ROR1: variants seen among roughly 807,000 people sequenced by gnomAD.
ROR1 encodes inactive tyrosine-protein kinase transmembrane receptor ROR1.
A neutral mutation model predicts 78.8 loss-of-function variants in ROR1; 19 were observed. The ratio of observed to expected loss-of-function variants is 0.24; its 90% confidence interval spans 0.17 to 0.35. ROR1 has a LOEUF of 0.35. Among genes scored for constraint, ROR1 ranks in the 10% least tolerant of loss-of-function variants. The pLI is 1.00. For missense variants in ROR1, 917 were observed against 1,177.8 expected (o/e 0.78, Z 3.24); for synonymous variants, 386 against 433.6 (o/e 0.89, Z 1.36).
At chr1:63,839,495 A>C (rs1645037210) in intron 1 of ROR1, among the ~76,000 whole-genome samples, 1 of 152,202 alleles carries the variant, frequency 6.6e-6, no homozygotes, top group Admixed American at 6.6e-5. Flanking sequence ...AATGGATAGC[A>C]CATTGAACTT....
At chr1:64,027,350 C>T (rs967541685) in intron 2 of ROR1, among the ~76,000 whole-genome samples, 1 of 152,210 alleles carries the variant, frequency 6.6e-6, no homozygotes, top group Non-Finnish European at 1.5e-5. Flanking sequence ...TCATTTTGCA[C>T]TTTTTTTCTG....
intron 1 of ROR1, among the ~76,000 whole-genome samples, chr1:63,874,162 A>G (rs1176799083): frequency 1.3e-5 from 2 of 152,188 alleles, no homozygotes; most frequent in Non-Finnish European, 2.9e-5. Context: ...CTTGAGATAA[A>G]GGAAATGGAG....
chr1:63,890,490 A>G (rs1220374859), intron 1 of ROR1, among the ~76,000 whole-genome samples: 4 of 151,336 alleles, frequency 2.6e-5, no homozygotes, highest in Middle Eastern at 6.3e-3. Context: ...CAGGGAGCTC[A>G]TAGTCCAATG....
intron 1 of ROR1, among the ~76,000 whole-genome samples, chr1:63,827,497 C>T (rs568805439): frequency 2.0e-5 from 3 of 152,220 alleles, no homozygotes; most frequent in Admixed American, 6.5e-5. Context: ...GGAGGGGACT[C>T]AGGGGAGATG....
At chr1:64,033,943 A>C (rs2100572768) in intron 2 of ROR1, among the ~76,000 whole-genome samples, 1 of 152,256 alleles carries the variant, frequency 6.6e-6, no homozygotes, top group South Asian at 2.1e-4. Flanking sequence ...ACCCAGGTCC[A>C]CCCATCTCTT....
At chr1:64,063,703 G>C (rs1192407870) in intron 4 of ROR1, among the ~76,000 whole-genome samples, 2 of 151,772 alleles carry the variant, frequency 1.3e-5, no homozygotes, top group Non-Finnish European at 2.9e-5. Context: ...AGCAACAACA[G>C]CTGGGTTCTC....
chr1:64,108,115 G>T (rs1209936518), intron 4 of ROR1, among the ~76,000 whole-genome samples: 2 of 149,644 alleles, frequency 1.3e-5, no homozygotes. Flanking sequence ...TCACTGTTTA[G>T]GCTGGGCATG....
chr1:63,962,578 G>A (rs190127162), intron 1 of ROR1, among the ~76,000 whole-genome samples: 31 of 152,312 alleles, frequency 2.0e-4, no homozygotes, highest in African/African-American at 7.2e-4. Context: ...CCTGGAGTTG[G>A]TGATGATTTA....
intron 8 of ROR1, among the ~76,000 whole-genome samples, chr1:64,161,417 A>G (rs1209163393): frequency 6.6e-6 from 1 of 152,214 alleles, no homozygotes; most frequent in Non-Finnish European, 1.5e-5. Context: ...GTGTGATCCC[A>G]TTTGGTCAGT....
chr1:64,010,223 A>C (rs989848391), intron 2 of ROR1, among the ~76,000 whole-genome samples: 5 of 147,538 alleles, frequency 3.4e-5, no homozygotes, highest in Non-Finnish European at 7.5e-5. Flanking sequence ...TCCAGCTGGA[A>C]GTGGCCTTTC....
chr1:63,838,640 C>G (rs1048000878), intron 1 of ROR1, among the ~76,000 whole-genome samples: 2 of 152,026 alleles, frequency 1.3e-5, no homozygotes, highest in East Asian at 3.9e-4. Flanking sequence ...AAAAAAGTTA[C>G]AGTAAGCTGT....
intron 1 of ROR1, among the ~76,000 whole-genome samples, chr1:63,944,203 A>G (rs1422359273): frequency 6.6e-6 from 1 of 152,162 alleles, no homozygotes; most frequent in African/African-American, 2.4e-5. Flanking sequence ...CAAAGAACCT[A>G]CTTCCCAGGA....
chr1:63,978,879 G>A (rs934291804), intron 1 of ROR1, among the ~76,000 whole-genome samples: 8 of 152,184 alleles, frequency 5.3e-5, no homozygotes, highest in Non-Finnish European at 8.8e-5. Context: ...GGGGTGCGCT[G>A]GCAGGTTGGA....
chr1:63,885,977 C>T (rs1034495820), intron 1 of ROR1, among the ~76,000 whole-genome samples: 14 of 137,108 alleles, frequency 1.0e-4, no homozygotes, highest in African/African-American at 1.9e-4. Flanking sequence ...AATGTAGAAT[C>T]GGTGGGAGCC....
chr1:64,016,051 C>A (rs1387004273), intron 2 of ROR1, among the ~76,000 whole-genome samples: 2 of 152,126 alleles, frequency 1.3e-5, no homozygotes, highest in Non-Finnish European at 2.9e-5. Flanking sequence ...AAGGGGAGGG[C>A]AGCATGATTT....
At chr1:64,130,483 C>A (rs888518970) in intron 4 of ROR1, among the ~76,000 whole-genome samples, 2 of 152,186 alleles carry the variant, frequency 1.3e-5, no homozygotes, top group Non-Finnish European at 2.9e-5. Flanking sequence ...CCTGGATCCT[C>A]ACCCTCCCCA....
chr1:64,114,018 T>C (rs1452081515), intron 4 of ROR1, among the ~76,000 whole-genome samples: 1 of 152,154 alleles, frequency 6.6e-6, no homozygotes, highest in Non-Finnish European at 1.5e-5. Flanking sequence ...ACTCCTGGCA[T>C]GGGAACTCAG....
rs1647160426 is a variant in ROR1, at chr1:64,087,009, T to C, written c.482+36293T>C. Among the ~76,000 whole-genome samples the C allele has an allele frequency of 2.6e-5, 4 of 152,188 alleles. No individual in the cohort carries two copies. The South Asian group carries it at 6.2e-4, about 24-fold the overall frequency. ...TCAAAAGCCCAATTTCTGTATACCA[T>C]GTACTTGAGCCTGAGCAGTGAGGGA... On this transcript the variant is annotated intron_variant, in intron 4 of 8. Coordinates refer to ENST00000371079, the MANE Select transcript of ROR1 (RefSeq NM_005012.4).
chr1:64,084,328 C>T (rs17126159), intron 4 of ROR1, among the ~76,000 whole-genome samples: 22,593 of 152,094 alleles, frequency 0.15, 1,771 homozygotes, highest in Middle Eastern at 0.2. Context: ...GGTCTTTAGG[C>T]GTTATAACTC....
Sources: gnomAD v4.1 joint callset for allele counts (sites outside exome capture counted in the v4.1 genomes callset) on GRCh38, gnomAD v4.1.1 for gene constraint, MANE v1.5 for transcripts, NCBI Gene and HGNC (gene_info 2026-07-23, HGNC 2026-07-21) for gene names.